The following RTTN variants were observed in gnomAD, a reference collection of about 807,000 sequenced individuals.
The protein encoded by RTTN is rotatin.
Under a neutral mutation model 269.2 loss-of-function variants are expected in RTTN, and 182 were observed. That is an observed-to-expected ratio of 0.68 (90% CI 0.60 to 0.76). RTTN has a LOEUF of 0.76. Ranked by LOEUF, RTTN falls within the 30% of genes least tolerant of loss-of-function variation. The probability of loss-of-function intolerance (pLI) is 0.00; values close to 1 mark genes in which losing one functional copy is unlikely to be tolerated. For synonymous variants in RTTN, 1,006 were observed against 963.5 expected, an observed-to-expected ratio of 1.04 and a Z score of -0.82; for missense variants, 2,545 against 2,608.6, an observed-to-expected ratio of 0.98 and a Z score of 0.53.
chr18:70,184,716 T>TTTTTG (rs59000945), intron 10 of RTTN, among the ~76,000 whole-genome samples: 19 of 33,464 alleles, frequency 5.7e-4, no homozygotes, highest in Admixed American at 8.9e-4. Flanking sequence ...TTTTTTTTTT[T>TTTTTG]TGTGTGTGTG....
At chr18:70,041,616 C>G (rs528716271) in intron 40 of RTTN, among the ~76,000 whole-genome samples, 2 of 152,180 alleles carry the variant, frequency 1.3e-5, no homozygotes, top group South Asian at 2.1e-4. Flanking sequence ...AGATCCTGCC[C>G]GCCAGCCACC....
chr18:70,166,222 G>A, intron 13 of RTTN, 34 bp from the exon 14 acceptor site: 1 of 1,608,572 alleles, frequency 6.2e-7, no homozygotes. Flanking sequence ...AGACATGTGA[G>A]GCAAGTAAGT....
chr18:70,087,593 G>A (rs1463510659), intron 31 of RTTN, among the ~76,000 whole-genome samples: 1 of 151,658 alleles, frequency 6.6e-6, no homozygotes, highest in South Asian at 2.1e-4. Flanking sequence ...ATTAAAATAG[G>A]GTTTATTTTT....
At position 70,086,694 on chromosome 18, in the gene RTTN, TAAAAAAAAAAAAAAAAAAAAAAAAAAA is replaced by T. The variant is rs531741265; in HGVS notation, c.4303-37_4303-11del. The T allele has an allele frequency of 4.7e-5, 23 of 487,778 alleles. No individual in the cohort carries two copies. Among genetic ancestry groups the T allele is most frequent in the African/African-American group, 9.2e-5 (2 of 21,676 alleles). 30.2% of individuals were successfully genotyped at this position (487,778 alleles called of 1,614,324 possible). On this transcript the variant is annotated splice_polypyrimidine_tract_variant and intron_variant, in intron 31 of 48. Transcript: ENST00000640769. ...GAAGAATAAATGCCGCCTGAAAATG[TAAAAAAAAAAAAAAAAAAAAAAAAAAA>T]AAAAAAAAAAAAGGTCAATACTGCC...
intron 10 of RTTN, among the ~76,000 whole-genome samples, chr18:70,180,228 C>T (rs556527814): frequency 6.6e-6 from 1 of 151,804 alleles, no homozygotes; most frequent in Non-Finnish European, 1.5e-5. Context: ...GGCACGGTGG[C>T]TCATGCCTCT....
chr18:70,148,050 C>G (rs2060441401), intron 17 of RTTN, among the ~76,000 whole-genome samples: 1 of 152,122 alleles, frequency 6.6e-6, no homozygotes. Flanking sequence ...TCCTTCCATT[C>G]TCTTAATAGT....
In RTTN at chr18:70,139,595, T is replaced by C. The variant is rs1352009060; in HGVS notation, c.2788+4A>G. 6.4e-7 allele frequency: 1 copy of C among 1,556,424 alleles called. No homozygotes were observed. The highest frequency in any genetic ancestry group is 1.4e-5 in the African/African-American group (1 of 73,230). ...TAATTATTAGCAGATTTTCTTTTAT[T>C]TACCTCTGAATAACACGGTCAAAAG... On this transcript the variant is annotated splice_donor_region_variant and intron_variant, in intron 21 of 48. Transcript: ENST00000640769.
chr18:70,175,900 T>C (rs999322542), intron 11 of RTTN, among the ~76,000 whole-genome samples: 1 of 151,920 alleles, frequency 6.6e-6, no homozygotes, highest in Non-Finnish European at 1.5e-5. Flanking sequence ...ACCTGGGAAA[T>C]AGTGAATAAG....
intron 40 of RTTN, among the ~76,000 whole-genome samples, chr18:70,044,052 T>C (rs921987333): frequency 1.3e-5 from 2 of 152,240 alleles, no homozygotes; most frequent in African/African-American, 4.8e-5. Context: ...TCATGCTCTT[T>C]CTAGATTAAT....
intron 14 of RTTN, among the ~76,000 whole-genome samples, chr18:70,163,098 A>AAC (rs56210826): frequency 1.4e-5 from 2 of 139,200 alleles, no homozygotes; most frequent in East Asian, 2.0e-4. Context: ...AAAAAAAAAA[A>AAC]CAAGGCCAGA....
rs184367544 is a variant in RTTN at position 70,084,992 on chromosome 18, C to T, written c.4374+1621G>A. Among the ~76,000 whole-genome samples, 1,213 of 152,156 alleles carry T rather than the reference C, an allele frequency of 8.0e-3. 8 individuals carry two copies. Among genetic ancestry groups the T allele is most frequent in the Non-Finnish European group, 0.012 (822 of 68,004 alleles). ...ACGGTTCTGTATTACAACATAATGT[C>T]CCAGGAACTTTAATATACTCTGCCT... On this transcript the variant is annotated intron_variant, in intron 32 of 48. Transcript: ENST00000640769.
chr18:70,115,710 G>A (rs1464701440), intron 26 of RTTN, among the ~76,000 whole-genome samples: 1 of 151,930 alleles, frequency 6.6e-6, no homozygotes, highest in South Asian at 2.1e-4. Flanking sequence ...CCTCAGCACA[G>A]TGTCACATCA....
chr18:70,099,887 T>C (rs2059111816), intron 28 of RTTN, among the ~76,000 whole-genome samples: 1 of 152,156 alleles, frequency 6.6e-6, no homozygotes, highest in African/African-American at 2.4e-5. Flanking sequence ...GATCAGATGG[T>C]TGTAGATGTG....
At chr18:70,126,928 G>A (rs1300794443) in intron 25 of RTTN, among the ~76,000 whole-genome samples, 1 of 152,128 alleles carries the variant, frequency 6.6e-6, no homozygotes, top group African/African-American at 2.4e-5. Flanking sequence ...GTCACATGAA[G>A]AATAAAATGA....
chr18:70,122,823 A>G (rs2059772531), intron 25 of RTTN, among the ~76,000 whole-genome samples: 1 of 152,172 alleles, frequency 6.6e-6, no homozygotes, highest in African/African-American at 2.4e-5. Flanking sequence ...TCTAACAACC[A>G]TAGATCTTTG....
intron 26 of RTTN, among the ~76,000 whole-genome samples, chr18:70,119,760 G>A (rs2059689264): frequency 6.6e-6 from 1 of 152,106 alleles, no homozygotes; most frequent in Non-Finnish European, 1.5e-5. Context: ...AGTAATACAT[G>A]GTTTCCATTT....
intron 14 of RTTN, among the ~76,000 whole-genome samples, chr18:70,157,430 C>G (rs1220836322): frequency 6.6e-6 from 1 of 152,120 alleles, no homozygotes; most frequent in South Asian, 2.1e-4. Flanking sequence ...GTAAAATCCT[C>G]AATGGCATCA....
chr18:70,121,735 G>A lies in RTTN; in HGVS notation c.3384-35C>T, dbSNP rs748406236. ...AAAGACAATAATCATGGTTTCTGGC[G>A]CTTTAAAATACACAATACCACTGTT... On this transcript the variant is annotated intron_variant, in intron 25 of 48. Coordinates refer to ENST00000640769, the MANE Select transcript of RTTN (RefSeq NM_173630.4). 2.3e-5 allele frequency: 35 copies of A among 1,507,274 alleles called. No homozygotes were observed. The South Asian group carries it at 3.1e-4, about 14-fold the overall frequency. The allele number at this position is 1,507,274 out of a possible 1,614,324, so 93.4% of individuals were successfully genotyped here.
At chr18:70,196,427 G>C (rs2061807992) in intron 7 of RTTN, 74 bp downstream of exon 7, 2 of 1,336,816 alleles carry the variant, frequency 1.5e-6, no homozygotes, top group African/African-American at 3.0e-5. Flanking sequence ...AACCCTAACA[G>C]TAACTATAAT....
Sources: allele counts gnomAD v4.1 joint callset (sites outside exome capture counted in the v4.1 genomes callset), GRCh38; gene constraint gnomAD v4.1.1; transcripts MANE v1.5; gene names NCBI Gene and HGNC (gene_info 2026-07-23, HGNC 2026-07-21).